CLCN1: variants seen among roughly 807,000 people sequenced by gnomAD.
CLCN1 encodes chloride voltage-gated channel 1.
CLCN1 carries 100 observed loss-of-function variants against 114.5 expected under a neutral mutation model. That is an observed-to-expected ratio of 0.87 (90% CI 0.74 to 1.03). The LOEUF (loss-of-function observed/expected upper bound fraction) is 1.03. Ranked by LOEUF, CLCN1 falls within the 50% of genes least tolerant of loss-of-function variation. The probability of loss-of-function intolerance (pLI) is 0.00; values close to 1 mark genes in which losing one functional copy is unlikely to be tolerated. For missense variants in CLCN1, 1,188 were observed against 1,250.0 expected (o/e 0.95, Z 0.75); for synonymous variants, 485 against 487.1 (o/e 1.00, Z 0.06).
intron 20 of CLCN1, among the ~76,000 whole-genome samples, chr7:143,347,259 C>T (rs1003091043): frequency 2.0e-5 from 3 of 152,114 alleles, no homozygotes; most frequent in African/African-American, 7.2e-5. Flanking sequence ...TCAGGCAAAG[C>T]TTTAATGGAG....
At chr7:143,320,562 TCTCTCTC>T in intron 2 of CLCN1, 95 bp from the exon 3 acceptor site, 3 of 982,246 alleles carry the variant, frequency 3.1e-6, no homozygotes, top group Non-Finnish European at 4.6e-6. Context: ...TTTCTCTCTC[TCTCTCTC>T]TCTCTCTCTC....
At position 143,316,125 on chromosome 7, in the gene CLCN1, C is replaced by CA; in HGVS notation, c.-87dup. The CA allele has an allele frequency of 9.1e-7, 1 of 1,099,014 alleles. No individual in the cohort carries two copies. The allele number at this position is 1,099,014 out of a possible 1,614,324, so 68.1% of individuals were successfully genotyped here. ...CATGCTGCCCCAGACGCCTTGGGGA[C>CA]AGCAAGAGCAGAGGCTTAAGGAGCT... On this transcript the variant is annotated 5_prime_UTR_variant, in exon 1 of 23. Coordinates refer to ENST00000343257, the MANE Select transcript of CLCN1 (RefSeq NM_000083.3).
chr7:143,330,720 G>C (rs1368869069), intron 7 of CLCN1, 52 bp from the exon 8 acceptor site: 55 of 1,612,468 alleles, frequency 3.4e-5, no homozygotes, highest in Non-Finnish European at 4.6e-5. Flanking sequence ...GGGAGTGTGG[G>C]GGAGCACTTT....
At position 143,327,151 on chromosome 7, in the gene CLCN1, T is replaced by A. The variant is rs1802595096; in HGVS notation, c.853+2659T>A. ...GTCCCAGCTACTTGGGAGGCTAAGG[T>A]GGAAGAATCACTTGAACCTGGGAGG... is the stretch of plus-strand genomic sequence containing the variant. On this transcript the variant is annotated intron_variant, in intron 7 of 22. Transcript: ENST00000343257. 2.0e-5 allele frequency among the ~76,000 whole-genome samples: 3 copies of A among 151,650 alleles called. No individual in the cohort carries two copies. The South Asian group carries it at 6.2e-4, about 32-fold the overall frequency.
Position 143,342,159 on chromosome 7 carries a change from G to A in CLCN1, c.1796+17G>A, listed in dbSNP as rs151182274. The stretch of plus-strand genomic sequence containing the variant: ...CCAGCTCAGGTCAGGGGCACTAGAC[G>A]GAATTAGTTCAGATCTGATGGGGAG... On this transcript the variant is annotated intron_variant, in intron 15 of 22. Coordinates refer to ENST00000343257, the MANE Select transcript of CLCN1 (RefSeq NM_000083.3). 12 of 1,610,806 alleles carry A rather than the reference G, an allele frequency of 7.4e-6. No individual in the cohort carries two copies. The highest frequency in any genetic ancestry group is 5.0e-5 in the Admixed American group (3 of 60,016).
chr7:143,346,468 A>G, intron 18 of CLCN1, 111 bp from the exon 19 acceptor site: 1 of 845,938 alleles, frequency 1.2e-6, no homozygotes, highest in Non-Finnish European at 2.0e-6. Flanking sequence ...AGAGAGGGTG[A>G]GGTACCTGGG....
In CLCN1 at chr7:143,346,906, T is replaced by G; in HGVS notation, c.2365-5T>G. ...AGAACTTGGACCTATGTCTTTCTTC[T>G]CTAGGATTCCACAGATTTAGTGGAT... is the stretch of plus-strand genomic sequence containing the variant. On this transcript the variant is annotated splice_region_variant and splice_polypyrimidine_tract_variant and intron_variant, in intron 19 of 22. Coordinates refer to ENST00000343257, the MANE Select transcript of CLCN1 (RefSeq NM_000083.3). The G allele has an allele frequency of 6.2e-7, 1 of 1,613,596 alleles. No individual in the cohort carries two copies. The highest frequency in any genetic ancestry group is 8.5e-7 in the Non-Finnish European group (1 of 1,179,506).
rs775384507 is a variant in CLCN1, at chr7:143,350,609, C to T, written c.2550C>T (p.Tyr850=). The change falls in exon 22 of 23, where the codon TAC becomes TAT. Residue 850 remains tyrosine (Y), a synonymous_variant. Transcript: ENST00000343257. The surrounding 1 kb of genome is among the most constrained non-coding windows in gnomAD (Gnocchi z 5.1). ...CACTCCTTGGCCTCCACCTCGCTTA[C>T]GTGACCAGCATGGGGAAGCTCAGGG... is the stretch of plus-strand genomic sequence containing the variant. ...LFSLLGLHLA[Y]VTSMGKLRGV... The T allele has an allele frequency of 7.9e-5, 127 of 1,614,014 alleles. No homozygotes were observed. The highest frequency in any genetic ancestry group is 1.0e-4 in the Non-Finnish European group (119 of 1,180,012).
intron 12 of CLCN1, among the ~76,000 whole-genome samples, chr7:143,334,587 T>C (rs1802821935): frequency 6.6e-6 from 1 of 152,180 alleles, no homozygotes; most frequent in East Asian, 1.9e-4. Context: ...AATTTTTAAA[T>C]ATTTTAAAAC....
In CLCN1 at chr7:143,350,437, G is replaced by C. The variant is rs750945292; in HGVS notation, c.2469G>C (p.Gln823His). ...PVCFDSCCID[Q>H]SPFQLVEQTT... ...GTTTTGATTCCTGCTGTATTGACCA[G>C]TCTCCCTTCCAGCTGGTGGAGCAGA... The change falls in exon 21 of 23, where the codon CAG becomes CAC. Residue 823 changes from glutamine to histidine, a missense_variant. Transcript: ENST00000343257. The surrounding 1 kb of genome is among the most constrained non-coding windows in gnomAD (Gnocchi z 5.1). 1 of 1,614,182 alleles carries C rather than the reference G, an allele frequency of 6.2e-7. No homozygotes were observed. Among genetic ancestry groups the C allele is most frequent in the South Asian group, 1.1e-5 (1 of 91,076 alleles).
In CLCN1 at chr7:143,320,807, C is replaced by T; in HGVS notation, c.433+12C>T. ...CAAAAGCCTTCAGGGTAGGTTTAAC[C>T]TGGACCTTTGCCCACAGCCGTTTCT... is the stretch of plus-strand genomic sequence containing the variant. On this transcript the variant is annotated intron_variant, in intron 3 of 22. Coordinates refer to ENST00000343257, the MANE Select transcript of CLCN1 (RefSeq NM_000083.3). The T allele has an allele frequency of 6.2e-7, 1 of 1,613,942 alleles. No individual in the cohort carries two copies. Among genetic ancestry groups the T allele is most frequent in the Non-Finnish European group, 8.5e-7 (1 of 1,179,930 alleles).
intron 16 of CLCN1, among the ~76,000 whole-genome samples, chr7:143,343,968 G>A (rs1430940768): frequency 1.3e-5 from 2 of 152,164 alleles, no homozygotes; most frequent in Non-Finnish European, 2.9e-5. Flanking sequence ...AGGCTCCTGA[G>A]TAGCTGGGAT....
intron 2 of CLCN1, 107 bp from the exon 3 acceptor site, chr7:143,320,557 C>CTCTG: frequency 2.8e-6 from 1 of 351,778 alleles, no homozygotes; most frequent in Admixed American, 4.3e-5. Context: ...CTGCTTTTCT[C>CTCTG]TCTCTCTCTC....
At position 143,321,429 on chromosome 7, in the gene CLCN1, C is replaced by T; in HGVS notation, c.498C>T (p.Thr166=). The change falls in exon 4 of 23, where the codon ACC becomes ACT. Residue 166 remains threonine, a synonymous_variant. Transcript: ENST00000343257. The surrounding 1 kb of genome is among the most constrained non-coding windows in gnomAD (Gnocchi z 4.2). ...SLPLQFLVWV[T]FPLVLILFSA... ...CTCTGCAGTTCCTGGTCTGGGTCAC[C>T]TTCCCACTAGTCCTCATCCTCTTCA... 3.7e-6 allele frequency: 6 copies of T among 1,614,194 alleles called. No individual in the cohort carries two copies. Among genetic ancestry groups the T allele is most frequent in the Non-Finnish European group, 5.1e-6 (6 of 1,180,032 alleles).
chr7:143,345,284 C>T (rs1168043441), intron 16 of CLCN1, among the ~76,000 whole-genome samples: 1 of 152,176 alleles, frequency 6.6e-6, no homozygotes, highest in Non-Finnish European at 1.5e-5. Context: ...AAAATAAGTA[C>T]AAATTAGCCC....
At position 143,350,457 on chromosome 7, in the gene CLCN1, A is replaced by G. The variant is rs1184528831; in HGVS notation, c.2489A>G (p.Glu830Gly). 6.2e-7 allele frequency: 1 copy of G among 1,613,988 alleles called. No homozygotes were observed. Among genetic ancestry groups the G allele is most frequent in the Non-Finnish European group, 8.5e-7 (1 of 1,179,918 alleles). The change falls in exon 21 of 23, where the codon GAG becomes GGG. Residue 830 changes from glutamate to glycine, a missense_variant. Coordinates refer to ENST00000343257, the MANE Select transcript of CLCN1 (RefSeq NM_000083.3). This position sits in a 1 kb window ranked among gnomAD's most constrained non-coding sequence, Gnocchi z 5.1. ...GACCAGTCTCCCTTCCAGCTGGTGG[A>G]GCAGACAACCCTGCACAAGGTGAGT... ...CIDQSPFQLV[E>G]QTTLHKTHTL... is the part of the protein sequence containing the mutation.
chr7:143,351,956 G>A lies in CLCN1; in HGVS notation c.2958G>A (p.Leu986=). ...RSTDEEDEDE[L]IL ...CAGACGAGGAGGATGAGGATGAACT[G>A]ATCCTTTGACCCCCTCCCACGACCT... Residue 986 remains leucine, a synonymous_variant, in exon 23 of 23, where the codon CTG becomes CTA. Coordinates refer to ENST00000343257, the MANE Select transcript of CLCN1 (RefSeq NM_000083.3). The A allele has an allele frequency of 3.1e-6, 5 of 1,612,660 alleles. No individual in the cohort carries two copies. The highest frequency in any genetic ancestry group is 4.2e-6 in the Non-Finnish European group (5 of 1,180,026).
At chr7:143,320,581 C>CAA in intron 2 of CLCN1, 83 bp from the exon 3 acceptor site, 4 of 1,143,144 alleles carry the variant, frequency 3.5e-6, no homozygotes, top group Non-Finnish European at 5.1e-6. Context: ...CTCTCTCTCT[C>CAA]TCTCTGTCTC....
At chr7:143,327,257 A>AAGAAAGAAAAAGAAAAAG (rs67498292) in intron 7 of CLCN1, among the ~76,000 whole-genome samples, 1 of 149,710 alleles carries the variant, frequency 6.7e-6, no homozygotes, top group Non-Finnish European at 1.5e-5. Context: ...TAAAAAAAAA[A>AAGAAAGAAAAAGAAAAAG]AAAAAGAAAA....
Sources: allele counts gnomAD v4.1 joint callset (sites outside exome capture counted in the v4.1 genomes callset), GRCh38; gene constraint gnomAD v4.1.1; non-coding constraint Gnocchi (gnomAD v3.1); transcripts MANE v1.5; gene names NCBI Gene and HGNC (gene_info 2026-07-23, HGNC 2026-07-21).